The following NPAS3 variants were observed in gnomAD, a reference collection of about 807,000 sequenced individuals.
The protein encoded by NPAS3 is neuronal PAS domain-containing protein 3.
NPAS3 carries 14 observed loss-of-function variants against 73.1 expected under a neutral mutation model. The observed-to-expected ratio is 0.19, with a 90% CI of 0.13 to 0.30. The LOEUF (loss-of-function observed/expected upper bound fraction) is 0.30, where lower values mean the gene tolerates loss of function less well. NPAS3 is among the 10% of genes least tolerant of loss of function. The pLI is 1.00. For missense variants in NPAS3, 1,096 were observed against 1,250.0 expected, an observed-to-expected ratio of 0.88 and a Z score of 1.86; for synonymous variants, 620 against 541.5, an observed-to-expected ratio of 1.14 and a Z score of -2.01.
chr14:32,940,028 C>G (rs958635374), intron 1 of NPAS3, among the ~76,000 whole-genome samples: 1 of 152,208 alleles, frequency 6.6e-6, no homozygotes, highest in Non-Finnish European at 1.5e-5. Context: ...CTCTGCCCTC[C>G]GCTCTCATCT....
At chr14:33,722,786 A>G (rs1210528489) in intron 6 of NPAS3, among the ~76,000 whole-genome samples, 1 of 152,170 alleles carries the variant, frequency 6.6e-6, no homozygotes, top group Non-Finnish European at 1.5e-5. Context: ...TAATGTTACT[A>G]AGAATATTCT....
At chr14:33,076,364 T>C (rs935056618) in intron 2 of NPAS3, among the ~76,000 whole-genome samples, 1 of 152,126 alleles carries the variant, frequency 6.6e-6, no homozygotes, top group Non-Finnish European at 1.5e-5. Flanking sequence ...TAAAGAAGAG[T>C]ATAGACTTCT....
At chr14:33,047,957 G>A (rs2040568112) in intron 1 of NPAS3, among the ~76,000 whole-genome samples, 1 of 152,142 alleles carries the variant, frequency 6.6e-6, no homozygotes, top group South Asian at 2.1e-4. Flanking sequence ...TATGAAATCT[G>A]AATAATTTAG....
intron 2 of NPAS3, among the ~76,000 whole-genome samples, chr14:33,209,670 G>C (rs2046959393): frequency 6.6e-6 from 1 of 152,108 alleles, no homozygotes; most frequent in South Asian, 2.1e-4. Flanking sequence ...TGTAGTGCTG[G>C]GTTCTCCTAA....
chr14:33,670,019 G>A (rs1048495151), intron 5 of NPAS3, among the ~76,000 whole-genome samples: 3 of 152,050 alleles, frequency 2.0e-5, no homozygotes, highest in Admixed American at 1.3e-4. Flanking sequence ...AGGCTCCAGC[G>A]ATTCTCCTGC....
chr14:33,507,994 C>G (rs543133523), intron 4 of NPAS3, among the ~76,000 whole-genome samples: 1 of 152,078 alleles, frequency 6.6e-6, no homozygotes, highest in Non-Finnish European at 1.5e-5. Context: ...CGCTGAGAGG[C>G]TCAAGTTGCT....
intron 1 of NPAS3, among the ~76,000 whole-genome samples, chr14:33,009,978 C>T (rs191735937): frequency 1.3e-5 from 2 of 152,280 alleles, no homozygotes; most frequent in East Asian, 1.9e-4. Flanking sequence ...ATTCGTTCCA[C>T]GATTCAGTTA....
At chr14:33,408,997 C>G (rs751416829) in intron 4 of NPAS3, among the ~76,000 whole-genome samples, 6 of 152,148 alleles carry the variant, frequency 3.9e-5, no homozygotes, top group Non-Finnish European at 5.9e-5. Context: ...AACTATCAAA[C>G]CAACAGGTGT....
At chr14:33,410,505 C>G (rs1646111006) in intron 4 of NPAS3, among the ~76,000 whole-genome samples, 1 of 152,160 alleles carries the variant, frequency 6.6e-6, no homozygotes, top group African/African-American at 2.4e-5. Flanking sequence ...GTTGTTATTT[C>G]AATCAATTCC....
At chr14:33,165,834 G>T (rs910949165) in intron 2 of NPAS3, among the ~76,000 whole-genome samples, 1 of 152,024 alleles carries the variant, frequency 6.6e-6, no homozygotes, top group Non-Finnish European at 1.5e-5. Context: ...TTCAGCCTAG[G>T]CTTATAGGAA....
intron 5 of NPAS3, among the ~76,000 whole-genome samples, chr14:33,636,780 A>G (rs550525562): frequency 7.9e-5 from 12 of 152,280 alleles, no homozygotes; most frequent in Admixed American, 2.6e-4. Flanking sequence ...CTAAATTGCC[A>G]ATTTCAAAAT....
chr14:33,794,841 C>A (rs1341421735), intron 10 of NPAS3, among the ~76,000 whole-genome samples: 2 of 152,090 alleles, frequency 1.3e-5, no homozygotes, highest in Non-Finnish European at 2.9e-5. Context: ...TGGGGGCAGG[C>A]TTTCTGGGAA....
intron 3 of NPAS3, among the ~76,000 whole-genome samples, chr14:33,323,413 T>C (rs1175660265): frequency 1.3e-5 from 2 of 152,128 alleles, no homozygotes; most frequent in African/African-American, 4.8e-5. Context: ...CAGAGAAAAA[T>C]TTTTGCTGAG....
intron 2 of NPAS3, among the ~76,000 whole-genome samples, chr14:33,198,728 G>A (rs562863502): frequency 1.4e-4 from 21 of 152,338 alleles, no homozygotes; most frequent in Non-Finnish European, 2.5e-4. Flanking sequence ...CCAGCCCTGC[G>A]CCATTCGCCT....
intron 1 of NPAS3, among the ~76,000 whole-genome samples, chr14:32,950,509 G>T (rs2036439876): frequency 6.6e-6 from 1 of 151,898 alleles, no homozygotes; most frequent in African/African-American, 2.4e-5. Flanking sequence ...AGAAAGATCA[G>T]GATCATTTAA....
intron 6 of NPAS3, among the ~76,000 whole-genome samples, chr14:33,678,203 CCT>C (rs2059822964): frequency 6.6e-6 from 1 of 152,126 alleles, no homozygotes; most frequent in South Asian, 2.1e-4. Context: ...TAGATTCTGC[CCT>C]GATAGGAAGC....
At chr14:33,784,745 A>ATTTATTTTTTTTTTTTTT (rs1471526546) in intron 9 of NPAS3, among the ~76,000 whole-genome samples, 1 of 73,832 alleles carries the variant, frequency 1.4e-5, no homozygotes, top group Non-Finnish European at 2.4e-5. Context: ...TTATTTATTT[A>ATTTATTTTTTTTTTTTTT]TTTTTTTTTT....
chr14:33,197,980 A>G (rs1034611884), intron 2 of NPAS3, among the ~76,000 whole-genome samples: 2 of 152,156 alleles, frequency 1.3e-5, no homozygotes, highest in Non-Finnish European at 2.9e-5. Context: ...TGGTGGGTTC[A>G]TGGTCTCACT....
At chr14:33,759,948 G>GA (rs1402492922) in intron 7 of NPAS3, among the ~76,000 whole-genome samples, 5 of 152,070 alleles carry the variant, frequency 3.3e-5, no homozygotes, top group South Asian at 4.1e-4. Context: ...ATAAAATTGG[G>GA]AAAAAATATC....
Sources: gnomAD v4.1 joint callset for allele counts (sites outside exome capture counted in the v4.1 genomes callset) on GRCh38, gnomAD v4.1.1 for gene constraint, MANE v1.5 for transcripts, NCBI Gene and HGNC (gene_info 2026-07-23, HGNC 2026-07-21) for gene names.